ACOXL: variants seen among roughly 807,000 people sequenced by gnomAD.
ACOXL encodes the protein acyl-coenzyme A oxidase-like protein.
A neutral mutation model predicts 71.9 loss-of-function variants in ACOXL; 70 were observed. That is an observed-to-expected ratio of 0.97 (90% CI 0.80 to 1.19). The LOEUF (loss-of-function observed/expected upper bound fraction) is 1.19. Ranked by LOEUF, ACOXL falls within the 50% of genes most tolerant of loss-of-function variation. ACOXL has a pLI of 0.00. For synonymous variants in ACOXL, 253 were observed against 281.6 expected (o/e 0.90, Z 1.02); for missense variants, 703 against 736.3 (o/e 0.95, Z 0.52).
At chr2:110,784,206 G>C (rs1035867057) in intron 2 of ACOXL, among the ~76,000 whole-genome samples, 9 of 151,984 alleles carry the variant, frequency 5.9e-5, no homozygotes, top group African/African-American at 1.9e-4. Flanking sequence ...ATGATCGTTT[G>C]AGCCCAGAAG....
intron 3 of ACOXL, among the ~76,000 whole-genome samples, chr2:110,787,913 C>T (rs1222332389): frequency 6.6e-6 from 1 of 152,196 alleles, no homozygotes; most frequent in Admixed American, 6.5e-5. Context: ...TCTGCCATAA[C>T]GTGTACCCAT....
chr2:111,078,513 C>G (rs2067723497), intron 16 of ACOXL, among the ~76,000 whole-genome samples: 1 of 152,170 alleles, frequency 6.6e-6, no homozygotes, highest in Non-Finnish European at 1.5e-5. Flanking sequence ...ATCTGCCCAC[C>G]TCAGCCCCCC....
intron 1 of ACOXL, among the ~76,000 whole-genome samples, chr2:110,767,634 C>G (rs1681262871): frequency 6.6e-6 from 1 of 152,152 alleles, no homozygotes; most frequent in Admixed American, 6.5e-5. Context: ...AGCAGGTAAT[C>G]TCGAAGGCAA....
chr2:110,766,246 T>C (rs1239065624), intron 1 of ACOXL, among the ~76,000 whole-genome samples: 4 of 152,390 alleles, frequency 2.6e-5, no homozygotes, highest in African/African-American at 9.6e-5. Context: ...CTTGGTATCA[T>C]GAGCAATTTT....
chr2:110,753,379 C>A (rs1679258938), intron 1 of ACOXL, among the ~76,000 whole-genome samples: 1 of 152,174 alleles, frequency 6.6e-6, no homozygotes, highest in African/African-American at 2.4e-5. Context: ...TGGACTAATA[C>A]ACTCATTGAC....
At chr2:110,774,409 C>G (rs1682381318) in intron 2 of ACOXL, among the ~76,000 whole-genome samples, 1 of 152,154 alleles carries the variant, frequency 6.6e-6, no homozygotes, top group South Asian at 2.1e-4. Context: ...GAGCAGATGA[C>G]AGGATCTTTT....
intron 16 of ACOXL, among the ~76,000 whole-genome samples, chr2:111,079,792 G>A (rs1176323133): frequency 6.7e-6 from 1 of 149,684 alleles, no homozygotes; most frequent in African/African-American, 2.5e-5. Context: ...CAGAACCAGA[G>A]CCCATAGCCT....
chr2:110,909,022 G>C (rs1314448046), intron 11 of ACOXL, 117 bp downstream of exon 11: 1 of 780,044 alleles, frequency 1.3e-6, no homozygotes, highest in Non-Finnish European at 2.0e-6. Flanking sequence ...GAAAGAGTCT[G>C]TTGTTAAAAT....
intron 1 of ACOXL, among the ~76,000 whole-genome samples, chr2:110,764,893 G>A (rs1411035099): frequency 6.6e-6 from 1 of 152,162 alleles, no homozygotes; most frequent in African/African-American, 2.4e-5. Context: ...TTTTCTGAAA[G>A]TTCTAGCCTT....
chr2:110,829,186 A>G (rs976215913), intron 9 of ACOXL, among the ~76,000 whole-genome samples: 1 of 152,132 alleles, frequency 6.6e-6, no homozygotes. Context: ...GATACTTGTT[A>G]TATTTCGTTG....
chr2:110,793,650 T>A lies in ACOXL; in HGVS notation c.160T>A (p.Cys54Ser). ...TGGTTTGTATTGTCCTTGTTTCCAGTGCGGAATAATTTATTGGCTATTTGG... is the reference window on the plus strand; with the variant it reads ...TGGTTTGTATTGTCCTTGTTTCCAGAGCGGAATAATTTATTGGCTATTTGG... ...SMADMATGVK[C>S]GIIYWLFGGA... Residue 54 changes from cysteine (C) to serine (S), a missense_variant and splice_region_variant, in exon 4 of 18, where the codon TGC becomes AGC. Coordinates refer to ENST00000439055, the MANE Select transcript of ACOXL (RefSeq NM_001142807.4). The A allele has an allele frequency of 6.2e-7, 1 of 1,613,818 alleles. No homozygotes were observed. Among genetic ancestry groups the A allele is most frequent in the Non-Finnish European group, 8.5e-7 (1 of 1,179,684 alleles).
chr2:110,762,675 A>C (rs1450017830), intron 1 of ACOXL, among the ~76,000 whole-genome samples: 1 of 152,142 alleles, frequency 6.6e-6, no homozygotes, highest in African/African-American at 2.4e-5. Context: ...TAAAAATTTG[A>C]GACAGGGTCT....
intron 10 of ACOXL, among the ~76,000 whole-genome samples, chr2:110,844,542 TTTC>T (rs1208144016): frequency 6.8e-6 from 1 of 147,356 alleles, no homozygotes; most frequent in Non-Finnish European, 1.5e-5. Context: ...TTTTTTTTCT[TTTC>T]TTTTCTTTTT....
intron 16 of ACOXL, among the ~76,000 whole-genome samples, chr2:111,063,329 A>G (rs1374235479): frequency 2.0e-5 from 3 of 152,182 alleles, no homozygotes; most frequent in African/African-American, 4.8e-5. Flanking sequence ...ACCAAAAAGA[A>G]CTACAGACCA....
At chr2:110,972,526 G>T (rs973523305) in intron 12 of ACOXL, among the ~76,000 whole-genome samples, 1 of 152,064 alleles carries the variant, frequency 6.6e-6, no homozygotes, top group Non-Finnish European at 1.5e-5. Flanking sequence ...GAACTCACAG[G>T]ACTTGACATA....
chr2:110,853,255 G>T (rs533190374), intron 10 of ACOXL, among the ~76,000 whole-genome samples: 2 of 152,308 alleles, frequency 1.3e-5, no homozygotes, highest in East Asian at 3.9e-4. Flanking sequence ...ACGGTGGAGA[G>T]GCCAGGGATG....
chr2:110,901,968 A>G (rs1305557811), intron 10 of ACOXL, among the ~76,000 whole-genome samples: 2 of 151,704 alleles, frequency 1.3e-5, no homozygotes, highest in Non-Finnish European at 2.9e-5. Flanking sequence ...CAGAGGTTGC[A>G]GTGAGCCAAG....
chr2:110,986,810 T>A (rs946271636), intron 12 of ACOXL, among the ~76,000 whole-genome samples: 3 of 152,106 alleles, frequency 2.0e-5, no homozygotes, highest in African/African-American at 7.2e-5. Flanking sequence ...CAGGTTTTAC[T>A]AAAGTGTCAG....
rs77032619 is a variant in ACOXL at position 110,962,492 on chromosome 2, G to A, written c.1060-24616G>A. 2.1e-3 allele frequency among the ~76,000 whole-genome samples: 325 copies of A among 152,304 alleles called. 7 individuals are homozygous for A. The East Asian group carries it at 0.044, about 20-fold the overall frequency. On this transcript the variant is annotated intron_variant, in intron 12 of 17. Transcript: ENST00000439055. ...TCTGTAAACTGCAGGTGGTAACACC[G>A]CCCAGTCAGCATTGATGGAGATGAG...
Sources: gnomAD v4.1 joint callset for allele counts (sites outside exome capture counted in the v4.1 genomes callset) on GRCh38, gnomAD v4.1.1 for gene constraint, MANE v1.5 for transcripts, NCBI Gene and HGNC (gene_info 2026-07-23, HGNC 2026-07-21) for gene names.